Variants in GRIA3 observed in about 807,000 individuals in gnomAD.
The protein encoded by GRIA3 is glutamate ionotropic receptor AMPA type subunit 3, also known as glutamate receptor 3.
GRIA3 carries 3 observed loss-of-function variants against 63.0 expected under a neutral mutation model. That is an observed-to-expected ratio of 0.05 (90% CI 0.02 to 0.12). The LOEUF (loss-of-function observed/expected upper bound fraction) is 0.12, where lower values mean the gene tolerates loss of function less well. GRIA3 is among the 10% of genes least tolerant of loss of function. GRIA3 has a pLI of 1.00. For synonymous variants in GRIA3, 274 were observed against 257.9 expected (o/e 1.06, Z -0.60); for missense variants, 347 against 700.9 (o/e 0.50, Z 5.70).
chrX:123,381,743 A>C (rs1569427983), intron 5 of GRIA3, among the ~76,000 whole-genome samples: 1 of 111,943 alleles, frequency 8.9e-6, no homozygotes, highest in Admixed American at 9.5e-5. Flanking sequence ...GGTCACTTAA[A>C]GAGTGGAATT....
At chrX:123,464,792 A>C in intron 12 of GRIA3, 73 bp from the exon 13 acceptor site, 4 of 1,022,912 alleles carry the variant, frequency 3.9e-6, no homozygotes, top group Non-Finnish European at 2.7e-6. Context: ...ATTAAAAAAA[A>C]AAAACTACTG....
intron 11 of GRIA3, among the ~76,000 whole-genome samples, chrX:123,426,988 A>G (rs760503650): frequency 9.0e-6 from 1 of 111,457 alleles, no homozygotes; most frequent in Admixed American, 9.5e-5. Flanking sequence ...ATCCCACTAT[A>G]CAGGTAGTTT....
At chrX:123,435,303 A>C (rs769492955) in intron 12 of GRIA3, among the ~76,000 whole-genome samples, 5 of 112,049 alleles carry the variant, frequency 4.5e-5, no homozygotes, top group Non-Finnish European at 9.4e-5. Flanking sequence ...ACCCTCTTGG[A>C]GCTCACAATC....
At chrX:123,286,060 CA>C (rs2044617602) in intron 3 of GRIA3, among the ~76,000 whole-genome samples, 1 of 112,116 alleles carries the variant, frequency 8.9e-6, no homozygotes, top group South Asian at 3.7e-4. Context: ...GAAATCATAA[CA>C]AACAGTCTCT....
At chrX:123,364,366 G>C (rs1291096748) in intron 5 of GRIA3, among the ~76,000 whole-genome samples, 1 of 111,683 alleles carries the variant, frequency 9.0e-6, no homozygotes, top group Non-Finnish European at 1.9e-5. Flanking sequence ...GTAATCATTG[G>C]GAAGGGGGAG....
chrX:123,483,402 T>C (rs1312416994), intron 15 of GRIA3, among the ~76,000 whole-genome samples: 1 of 112,277 alleles, frequency 8.9e-6, no homozygotes, highest in Non-Finnish European at 1.9e-5. Flanking sequence ...TAATGATACA[T>C]TTTATTTAAC....
chrX:123,204,323 G>T, intron 2 of GRIA3: 1 of 856,640 alleles, frequency 1.2e-6, no homozygotes, highest in Non-Finnish European at 1.7e-6. Context: ...GACAGAAAGG[G>T]AAGTTCCAAA....
At chrX:123,487,631 C>G (rs1352659941) in intron 15 of GRIA3, among the ~76,000 whole-genome samples, 1 of 112,101 alleles carries the variant, frequency 8.9e-6, no homozygotes, top group Non-Finnish European at 1.9e-5. Context: ...AACAGAGGCA[C>G]TGAGAGGTTG....
chrX:123,386,741 A>T (rs1001196695), intron 5 of GRIA3, among the ~76,000 whole-genome samples: 2 of 111,770 alleles, frequency 1.8e-5, no homozygotes, highest in Non-Finnish European at 1.9e-5. Context: ...ATGTCCTTAG[A>T]AATTTTTTTG....
At chrX:123,232,185 C>T (rs1332321170) in intron 2 of GRIA3, among the ~76,000 whole-genome samples, 2 of 112,020 alleles carry the variant, frequency 1.8e-5, no homozygotes, top group Non-Finnish European at 3.8e-5. Flanking sequence ...CAGCAGGCAA[C>T]AACCAGACCT....
intron 2 of GRIA3, among the ~76,000 whole-genome samples, chrX:123,248,703 T>C (rs1276060655): frequency 9.0e-6 from 1 of 111,677 alleles, no homozygotes; most frequent in African/African-American, 3.3e-5. Flanking sequence ...AGAGAATTGC[T>C]TGAACCTGGG....
intron 3 of GRIA3, among the ~76,000 whole-genome samples, chrX:123,314,170 G>T (rs73229281): frequency 0.2 from 22,400 of 111,426 alleles, 1,771 homozygotes; most frequent in African/African-American, 0.23. Flanking sequence ...TCTAGGAGAC[G>T]CAGTCACAAG....
intron 3 of GRIA3, among the ~76,000 whole-genome samples, chrX:123,324,738 T>C (rs2044888868): frequency 8.9e-6 from 1 of 112,171 alleles, no homozygotes; most frequent in Non-Finnish European, 1.9e-5. Context: ...TCTTCCTGCA[T>C]ACACCCAGCA....
intron 12 of GRIA3, among the ~76,000 whole-genome samples, chrX:123,446,761 G>A (rs950726236): frequency 1.8e-5 from 2 of 111,771 alleles, no homozygotes; most frequent in Non-Finnish European, 3.8e-5. Flanking sequence ...GTGGCACACA[G>A]GTAAGGATAG....
In GRIA3 at chrX:123,344,385, G is replaced by A. The variant is rs2045030130; in HGVS notation, c.697-10525G>A. ...CTCAGCCTGGGAGTGAGACAAGTCA[G>A]AAGAGTGAGGGAGGAATTAATATTT... On this transcript the variant is annotated intron_variant, in intron 4 of 15. Coordinates refer to ENST00000620443, the MANE Select transcript of GRIA3 (RefSeq NM_007325.5). Among the ~76,000 whole-genome samples the A allele has an allele frequency of 2.7e-5, 3 of 111,876 alleles. No individual in the cohort carries two copies. The South Asian group carries it at 1.1e-3, about 42-fold the overall frequency.
At chrX:123,431,997 C>T (rs1302909434) in intron 12 of GRIA3, among the ~76,000 whole-genome samples, 1 of 110,918 alleles carries the variant, frequency 9.0e-6, no homozygotes, top group Non-Finnish European at 1.9e-5. Flanking sequence ...CTATTATTTC[C>T]TTTATCAATT....
chrX:123,449,145 C>T (rs1054443507), intron 12 of GRIA3, among the ~76,000 whole-genome samples: 1 of 112,116 alleles, frequency 8.9e-6, no homozygotes. Context: ...ATGGGACAGA[C>T]AGGCCCCTTC....
intron 3 of GRIA3, among the ~76,000 whole-genome samples, chrX:123,324,688 A>G (rs1175374725): frequency 4.5e-5 from 5 of 112,148 alleles, no homozygotes; most frequent in East Asian, 5.6e-4. Flanking sequence ...GAAATTGCTC[A>G]TTTGGAAATT....
intron 5 of GRIA3, among the ~76,000 whole-genome samples, chrX:123,359,330 G>A (rs909186678): frequency 1.8e-5 from 2 of 111,175 alleles, no homozygotes; most frequent in Non-Finnish European, 3.8e-5. Context: ...ATTATAGTTC[G>A]GATGGTCCAC....
Sources: allele counts gnomAD v4.1 joint callset (sites outside exome capture counted in the v4.1 genomes callset), GRCh38; gene constraint gnomAD v4.1.1; transcripts MANE v1.5; gene names NCBI Gene and HGNC (gene_info 2026-07-23, HGNC 2026-07-21).